Variants in USP50 observed in about 807,000 individuals in gnomAD.
The protein encoded by USP50 is ubiquitin carboxyl-terminal hydrolase 50.
In USP50, 37 loss-of-function variants were observed where a neutral mutation model predicts 39.2. That is an observed-to-expected ratio of 0.94 (90% CI 0.73 to 1.24). USP50 has a LOEUF of 1.24. Ranked by LOEUF, USP50 falls within the 50% of genes most tolerant of loss-of-function variation. The probability of loss-of-function intolerance (pLI) is 0.00; values close to 1 mark genes in which losing one functional copy is unlikely to be tolerated. For missense variants in USP50, 374 were observed against 398.2 expected, an observed-to-expected ratio of 0.94 and a Z score of 0.52; for synonymous variants, 139 against 144.5, an observed-to-expected ratio of 0.96 and a Z score of 0.27.
At chr15:50,538,892 A>G (rs1309992778) in intron 4 of USP50, 41 bp from the exon 5 acceptor site, 22 of 1,575,310 alleles carry the variant, frequency 1.4e-5, no homozygotes, top group Non-Finnish European at 1.9e-5. Context: ...AATTGGATCA[A>G]CTGCAACCTG....
At chr15:50,543,482 G>T in intron 3 of USP50, 116 bp downstream of exon 3, 1 of 998,110 alleles carries the variant, frequency 1.0e-6, no homozygotes, top group Non-Finnish European at 1.5e-6. Flanking sequence ...GGGACACCTA[G>T]CACAGTGCTT....
downstream of USP50, chr15:50,496,078 A>G (rs770305140): frequency 3.7e-6 from 6 of 1,603,964 alleles, no homozygotes; most frequent in Admixed American, 5.1e-5. Flanking sequence ...GTAAATGTAC[A>G]TTACAGGTAA....
Position 50,495,017 on chromosome 15 carries a change from TAA to T in USP50, n.185-889_185-888del, listed in dbSNP as rs34381291. On this transcript the variant is annotated intron_variant and non_coding_transcript_variant, in intron 1 of 1. Coordinates refer to the USP50 transcript ENST00000560159. ...CTGGGCGACAGAGTGAGACTCTTTCTAAAAAAAAAAAAAAAAAAAATTACTCC... is the reference window on the plus strand; with the variant it reads ...CTGGGCGACAGAGTGAGACTCTTTCTAAAAAAAAAAAAAAAAAATTACTCC... 4.6e-4 allele frequency among the ~76,000 whole-genome samples: 52 copies of T among 113,478 alleles called. 1 individual carries two copies. The highest frequency in any genetic ancestry group is 5.5e-4 in the Admixed American group (6 of 10,816). 74.4% of individuals were successfully genotyped at this position (113,478 alleles called of 152,430 possible). A position where few individuals can be genotyped will look rare whatever the true frequency, so the allele number is the denominator to read the frequency against.
intron 6 of USP50, among the ~76,000 whole-genome samples, chr15:50,524,563 A>T (rs531794828): frequency 6.6e-6 from 1 of 152,350 alleles, no homozygotes; most frequent in South Asian, 2.1e-4. Context: ...AACCACAATG[A>T]GCTATCACTT....
Position 50,500,785 on chromosome 15 carries a change from G to A in USP50, c.989C>T (p.Ser330Leu), listed in dbSNP as rs748233644. The A allele has an allele frequency of 6.3e-7, 1 of 1,590,072 alleles. No homozygotes were observed. The highest frequency in any genetic ancestry group is 1.7e-4 in the Middle Eastern group (1 of 6,040). Residue 330 changes from serine (S) to leucine (L), a missense_variant, in exon 7 of 7, where the codon TCA (serine) becomes TTA (leucine). Physicochemically the swap from Ser to Leu is moderately radical, Grantham distance 145. Transcript: ENST00000532404. Reference sequence around the variant, plus strand: ...AAAGCTATATCAGGCCTGGGTGACTGAATTCTTGCAGAAAGCAGTGTAGTG... The same window carrying A: ...AAAGCTATATCAGGCCTGGGTGACTAAATTCTTGCAGAAAGCAGTGTAGTG... Reference protein sequence around the residue: ...GGHYTAFCKNSVTQA With the variant: ...GGHYTAFCKNLVTQA
intron 6 of USP50, among the ~76,000 whole-genome samples, chr15:50,524,556 C>T (rs1216354930): frequency 1.3e-5 from 2 of 152,090 alleles, no homozygotes; most frequent in Admixed American, 6.6e-5. Flanking sequence ...AAATTAAAAC[C>T]ACAATGAGCT....
intron 6 of USP50, chr15:50,506,652 T>G (rs1363584644): frequency 6.6e-6 from 1 of 152,124 alleles, no homozygotes; most frequent in Non-Finnish European, 1.5e-5. Context: ...TACCAAATAT[T>G]TACTGGATTT....
intron 6 of USP50, among the ~76,000 whole-genome samples, chr15:50,526,125 C>T (rs116232421): frequency 7.6e-4 from 115 of 152,304 alleles, no homozygotes; most frequent in African/African-American, 2.7e-3. Context: ...GTGGCACTAT[C>T]TCAGCTCGCT....
chr15:50,506,289 C>T (rs2052657184), intron 6 of USP50: 1 of 152,348 alleles, frequency 6.6e-6, no homozygotes, highest in African/African-American at 2.4e-5. Flanking sequence ...CAAACCTACC[C>T]TGAGCACCGC....
intron 6 of USP50, among the ~76,000 whole-genome samples, chr15:50,525,585 T>C (rs1413770377): frequency 8.7e-6 from 1 of 114,564 alleles, no homozygotes; most frequent in Non-Finnish European, 1.9e-5. Context: ...TATGTATATA[T>C]GTATATGTAT....
chr15:50,525,322 T>C (rs2052879566), intron 6 of USP50, among the ~76,000 whole-genome samples: 1 of 151,960 alleles, frequency 6.6e-6, no homozygotes, highest in African/African-American at 2.4e-5. Flanking sequence ...GTGAGGAAGT[T>C]TGAGATCTAT....
intron 6 of USP50, chr15:50,504,385 A>G (rs1483664093): frequency 1.3e-5 from 2 of 152,380 alleles, no homozygotes; most frequent in East Asian, 1.9e-4. Context: ...TTGACCAGGC[A>G]TAGTGGCACG....
At chr15:50,532,491 A>G (rs559225262) in intron 5 of USP50, among the ~76,000 whole-genome samples, 75 of 152,278 alleles carry the variant, frequency 4.9e-4, no homozygotes, top group South Asian at 1.2e-3. Context: ...AGACCCACTC[A>G]TAGGATTATG....
intron 5 of USP50, chr15:50,532,002 A>G: frequency 2.5e-6 from 1 of 397,664 alleles, no homozygotes; most frequent in East Asian, 7.2e-5. Context: ...ATAGAGAATC[A>G]CAGACTTACC....
intron 5 of USP50, 33 bp from the exon 6 acceptor site, chr15:50,529,962 T>C (rs2052927716): frequency 6.2e-7 from 1 of 1,611,124 alleles, no homozygotes; most frequent in African/African-American, 1.3e-5. Flanking sequence ...AAATACAAAG[T>C]AAGCTTGTGA....
chr15:50,521,327 C>A (rs867600927), intron 6 of USP50, among the ~76,000 whole-genome samples: 28 of 152,258 alleles, frequency 1.8e-4, no homozygotes, highest in Middle Eastern at 3.4e-3. Context: ...CAGGTGTGAG[C>A]CACCATGCCC....
chr15:50,538,888 A>G, intron 4 of USP50, 37 bp from the exon 5 acceptor site: 1 of 1,580,862 alleles, frequency 6.3e-7, no homozygotes, highest in Non-Finnish European at 8.6e-7. Flanking sequence ...ACCAAATTGG[A>G]TCAACTGCAA....
chr15:50,538,915 C>T, intron 4 of USP50, 64 bp from the exon 5 acceptor site: 1 of 1,500,630 alleles, frequency 6.7e-7, no homozygotes, highest in Non-Finnish European at 8.9e-7. Flanking sequence ...CTCTCTGTTT[C>T]TATTGGAACT....
intron 6 of USP50, chr15:50,501,818 A>G (rs933509321): frequency 6.6e-6 from 1 of 152,174 alleles, no homozygotes; most frequent in Non-Finnish European, 1.5e-5. Flanking sequence ...TGCATTAGCA[A>G]CGGGTTTTAA....
Sources: gnomAD v4.1 joint callset for allele counts (sites outside exome capture counted in the v4.1 genomes callset) on GRCh38, gnomAD v4.1.1 for gene constraint, MANE v1.5 for transcripts, NCBI Gene and HGNC (gene_info 2026-07-23, HGNC 2026-07-21) for gene names.